SNX29: variants seen among roughly 807,000 people sequenced by gnomAD.
The protein encoded by SNX29 is sorting nexin-29.
SNX29 carries 78 observed loss-of-function variants against 102.1 expected under a neutral mutation model. That is an observed-to-expected ratio of 0.76 (90% CI 0.64 to 0.92). SNX29 has a LOEUF of 0.92. Among genes scored for constraint, SNX29 ranks in the 40% least tolerant of loss-of-function variants. The probability of loss-of-function intolerance (pLI) is 0.00; values close to 1 mark genes in which losing one functional copy is unlikely to be tolerated. For missense variants in SNX29, 1,280 were observed against 1,061.7 expected (o/e 1.21, Z -2.86); for synonymous variants, 580 against 414.5 (o/e 1.40, Z -4.85).
intron 20 of SNX29, among the ~76,000 whole-genome samples, chr16:12,558,014 G>A (rs570365551): frequency 6.6e-6 from 1 of 152,316 alleles, no homozygotes; most frequent in African/African-American, 2.4e-5. Context: ...GGGTGCTGCA[G>A]TGGGGAGAGC....
At chr16:12,540,685 G>C (rs952281142) in intron 20 of SNX29, among the ~76,000 whole-genome samples, 2 of 152,148 alleles carry the variant, frequency 1.3e-5, no homozygotes, top group South Asian at 2.1e-4. Flanking sequence ...GGTCCCTCTT[G>C]TTGTAGAAGC....
intron 14 of SNX29, among the ~76,000 whole-genome samples, chr16:12,254,007 G>C (rs2078496375): frequency 6.6e-6 from 1 of 152,246 alleles, no homozygotes; most frequent in East Asian, 1.9e-4. Flanking sequence ...TGTGAGGTGT[G>C]AGTGAGAGCA....
At position 12,572,433 on chromosome 16, in the gene SNX29, CCT is replaced by C. The variant is rs759138492; in HGVS notation, c.*3809_*3810del. The stretch of plus-strand genomic sequence containing the variant: ...CTGTGGCCCAGGCCGGCAGTGGCTG[CCT>C]CTCTTGGTTCTGCATGGTACATTTT... On this transcript the variant is annotated 3_prime_UTR_variant, in exon 21 of 21. Transcript: ENST00000566228. The C allele has an allele frequency of 2.7e-5, 29 of 1,063,478 alleles. No individual in the cohort carries two copies. Among genetic ancestry groups the C allele is most frequent in the Non-Finnish European group, 3.1e-5 (27 of 878,104 alleles). 65.9% of individuals were successfully genotyped at this position (1,063,478 alleles called of 1,614,324 possible).
chr16:12,328,645 C>G (rs923768376), intron 15 of SNX29, among the ~76,000 whole-genome samples: 3 of 152,208 alleles, frequency 2.0e-5, no homozygotes, highest in Admixed American at 2.0e-4. Flanking sequence ...TCAAACCTTT[C>G]TTGGAAAAGA....
In SNX29 at chr16:12,052,150, A is replaced by T. The variant is rs1401130346; in HGVS notation, c.1052A>T (p.Asp351Val). ...AAAAGCATCGATGATGAAGATGTGGATGAAAACGAAGATGACGTGTATGGA... is the reference window on the plus strand; with the variant it reads ...AAAAGCATCGATGATGAAGATGTGGTTGAAAACGAAGATGACGTGTATGGA... ...DVKSIDDEDV[D>V]ENEDDVYGNS... Residue 351 changes from aspartate to valine, a missense_variant, in exon 8 of 21, where the codon GAT becomes GTT. By Grantham distance (152) the Asp-to-Val change is radical. Transcript: ENST00000566228. 6.2e-7 allele frequency: 1 copy of T among 1,613,960 alleles called. No homozygotes were observed. Among genetic ancestry groups the T allele is most frequent in the Non-Finnish European group, 8.5e-7 (1 of 1,179,858 alleles).
chr16:12,461,727 C>T (rs1195181664), intron 18 of SNX29, among the ~76,000 whole-genome samples: 1 of 151,478 alleles, frequency 6.6e-6, no homozygotes, highest in Non-Finnish European at 1.5e-5. Flanking sequence ...GAGGCTAAGG[C>T]GAGCAGATCA....
Position 12,310,128 on chromosome 16 carries a change from G to GCACACACATA in SNX29, c.1782+32094_1782+32095insCACACATACA, listed in dbSNP as rs1361054106. Among the ~76,000 whole-genome samples the GCACACACATA allele has an allele frequency of 5.5e-3, 838 of 152,086 alleles. 7 individuals carry two copies. Among genetic ancestry groups the GCACACACATA allele is most frequent in the African/African-American group, 0.02 (811 of 41,474 alleles). On this transcript the variant is annotated intron_variant, in intron 15 of 20. Transcript: ENST00000566228. ...CACACATACACGTGCACGCACACAT[G>GCACACACATA]CATGCACATACACACTGCATAGTTG...
intron 20 of SNX29, among the ~76,000 whole-genome samples, chr16:12,552,885 A>G (rs1567183288): frequency 6.6e-6 from 1 of 152,246 alleles, no homozygotes; most frequent in Admixed American, 6.5e-5. Context: ...AGACATGGAC[A>G]TGGAGGCAGG....
intron 20 of SNX29, chr16:12,546,174 C>G (rs890073348): frequency 6.6e-6 from 1 of 152,180 alleles, no homozygotes; most frequent in African/African-American, 2.4e-5. Flanking sequence ...GGGATGGGCA[C>G]TGGTGCAGGG....
At chr16:12,431,246 A>G (rs1011608301) in intron 18 of SNX29, among the ~76,000 whole-genome samples, 5 of 152,078 alleles carry the variant, frequency 3.3e-5, no homozygotes, top group African/African-American at 1.2e-4. Context: ...CAAAGGGGGA[A>G]GAGGGGAAGA....
chr16:12,417,411 A>C (rs1163270042), intron 18 of SNX29, among the ~76,000 whole-genome samples: 1 of 152,150 alleles, frequency 6.6e-6, no homozygotes, highest in Non-Finnish European at 1.5e-5. Context: ...TATGAGGGCC[A>C]GGGGCAATGA....
chr16:12,518,322 A>C (rs530845587), intron 19 of SNX29, among the ~76,000 whole-genome samples: 1 of 152,144 alleles, frequency 6.6e-6, no homozygotes, highest in Admixed American at 6.5e-5. Flanking sequence ...CTCACACTGC[A>C]GTCTTACACC....
chr16:12,264,523 T>C (rs112264633), intron 14 of SNX29, among the ~76,000 whole-genome samples: 4,565 of 152,326 alleles, frequency 0.03, 100 homozygotes, highest in Admixed American at 0.063. Context: ...GGCTCACGTT[T>C]GTAATCCCAG....
chr16:12,212,917 G>A (rs1356469952), intron 14 of SNX29, among the ~76,000 whole-genome samples: 1 of 152,056 alleles, frequency 6.6e-6, no homozygotes, highest in Non-Finnish European at 1.5e-5. Flanking sequence ...AATTTGAGAC[G>A]AGCCTGGCCA....
At chr16:12,451,897 A>T (rs1475530983) in intron 18 of SNX29, among the ~76,000 whole-genome samples, 1 of 152,198 alleles carries the variant, frequency 6.6e-6, no homozygotes, top group African/African-American at 2.4e-5. Context: ...TTTCTAACCA[A>T]ACTGGCCTTA....
intron 20 of SNX29, among the ~76,000 whole-genome samples, chr16:12,540,454 G>C (rs1035842190): frequency 6.6e-6 from 1 of 152,236 alleles, no homozygotes; most frequent in Non-Finnish European, 1.5e-5. Context: ...AGAAGTCCGA[G>C]ATCCGTCTTA....
At chr16:12,286,519 G>A (rs1002635750) in intron 15 of SNX29, among the ~76,000 whole-genome samples, 3 of 151,658 alleles carry the variant, frequency 2.0e-5, no homozygotes, top group African/African-American at 7.3e-5. Context: ...TAATTTTTTT[G>A]TATTTTTAGT....
intron 16 of SNX29, among the ~76,000 whole-genome samples, chr16:12,359,027 G>T (rs1341583793): frequency 3.9e-5 from 6 of 152,238 alleles, no homozygotes; most frequent in African/African-American, 1.4e-4. Flanking sequence ...AACCCAAGAA[G>T]GGGGTTGTGA....
At chr16:12,540,690 A>T (rs1282490193) in intron 20 of SNX29, among the ~76,000 whole-genome samples, 2 of 152,124 alleles carry the variant, frequency 1.3e-5, no homozygotes, top group Non-Finnish European at 2.9e-5. Context: ...CTCTTGTTGT[A>T]GAAGCTCACA....
Sources: allele counts gnomAD v4.1 joint callset (sites outside exome capture counted in the v4.1 genomes callset), GRCh38; gene constraint gnomAD v4.1.1; transcripts MANE v1.5; gene names NCBI Gene and HGNC (gene_info 2026-07-23, HGNC 2026-07-21).